The following RHEX variants were observed in gnomAD, a reference collection of about 807,000 sequenced individuals.
RHEX encodes regulator of hemoglobinization and erythroid cell expansion, also known as regulator of hemoglobinization and erythroid cell expansion protein.
In RHEX, 18 loss-of-function variants were observed where a neutral mutation model predicts 20.1. The observed-to-expected ratio is 0.90, with a 90% confidence interval of 0.62 to 1.33. RHEX has a LOEUF of 1.33. Ranked by LOEUF, RHEX falls within the 40% of genes most tolerant of loss-of-function variation. The pLI, the probability that RHEX is intolerant of heterozygous loss-of-function variation, is 0.00. For missense variants in RHEX, 192 were observed against 214.3 expected (o/e 0.90, Z 0.65); for synonymous variants, 87 against 77.1 (o/e 1.13, Z -0.67).
intron 1 of RHEX, among the ~76,000 whole-genome samples, chr1:206,070,517 T>G (rs1553284536): frequency 6.6e-6 from 1 of 152,160 alleles, no homozygotes; most frequent in Non-Finnish European, 1.5e-5. Flanking sequence ...TCTTGGAACA[T>G]GAAATGCTTT....
chr1:206,090,192 T>C (rs1662918324), intron 1 of RHEX, among the ~76,000 whole-genome samples: 1 of 150,246 alleles, frequency 6.7e-6, no homozygotes, highest in Non-Finnish European at 1.5e-5. Flanking sequence ...CAATTCCTTT[T>C]CTTTTCTTTC....
chr1:206,059,498 TC>T (rs1405581364), intron 1 of RHEX, among the ~76,000 whole-genome samples: 2 of 152,136 alleles, frequency 1.3e-5, no homozygotes, highest in Non-Finnish European at 2.9e-5. Context: ...GGCCACAGTC[TC>T]TGCATTGCAC....
At chr1:206,054,002 G>A (rs935081934) in intron 1 of RHEX, among the ~76,000 whole-genome samples, 34 of 152,014 alleles carry the variant, frequency 2.2e-4, no homozygotes, top group Non-Finnish European at 4.3e-4. Flanking sequence ...CAAAAGTGAA[G>A]TTTGCTTAAA....
chr1:206,094,729 T>C (rs1165386539), intron 1 of RHEX, among the ~76,000 whole-genome samples: 1 of 152,164 alleles, frequency 6.6e-6, no homozygotes, highest in African/African-American at 2.4e-5. Flanking sequence ...ATTTGGCTAG[T>C]AAGGGAGACA....
At chr1:206,075,718 A>G (rs1175323236) in intron 1 of RHEX, among the ~76,000 whole-genome samples, 3 of 151,526 alleles carry the variant, frequency 2.0e-5, no homozygotes, top group Non-Finnish European at 2.9e-5. Flanking sequence ...CTCCTGCCTC[A>G]GCCTCCCGGT....
chr1:206,069,190 T>C (rs1553284444), intron 1 of RHEX, among the ~76,000 whole-genome samples: 2 of 152,226 alleles, frequency 1.3e-5, no homozygotes. Context: ...TAAAGACGTG[T>C]TTTGATTGTC....
At chr1:206,079,569 T>G (rs1662698362) in intron 1 of RHEX, among the ~76,000 whole-genome samples, 1 of 152,198 alleles carries the variant, frequency 6.6e-6, no homozygotes, top group Non-Finnish European at 1.5e-5. Flanking sequence ...TTTTTCTATT[T>G]TTTTTAGATG....
At chr1:206,083,550 A>C in intron 1 of RHEX, 1 of 985,038 alleles carries the variant, frequency 1.0e-6, no homozygotes, top group Non-Finnish European at 1.2e-6. Flanking sequence ...CCAGTGACAC[A>C]GAAGCTTCTG....
At chr1:206,058,085 A>T (rs544854274) in intron 1 of RHEX, among the ~76,000 whole-genome samples, 57 of 152,366 alleles carry the variant, frequency 3.7e-4, no homozygotes, top group Non-Finnish European at 6.6e-4. Flanking sequence ...GTAGTTGAGG[A>T]TATAGTTAAA....
At chr1:206,063,424 G>A (rs190132389) in intron 1 of RHEX, among the ~76,000 whole-genome samples, 8 of 151,958 alleles carry the variant, frequency 5.3e-5, no homozygotes, top group Middle Eastern at 3.2e-3. Context: ...TCTTTCCACC[G>A]TCTCCCTCTC....
At chr1:206,059,296 C>A (rs782168936) in intron 1 of RHEX, among the ~76,000 whole-genome samples, 4 of 152,154 alleles carry the variant, frequency 2.6e-5, no homozygotes, top group African/African-American at 4.8e-5. Flanking sequence ...GAGGTCAGCT[C>A]TCTCACTCAG....
At chr1:206,061,647 G>A (rs1662312538) in intron 1 of RHEX, 1 of 152,296 alleles carries the variant, frequency 6.6e-6, no homozygotes, top group Non-Finnish European at 1.5e-5. Context: ...TCTAACCAGG[G>A]TTCTATCTCT....
At chr1:206,091,333 C>T (rs989711956) in intron 1 of RHEX, among the ~76,000 whole-genome samples, 13 of 152,214 alleles carry the variant, frequency 8.5e-5, no homozygotes, top group South Asian at 2.1e-4. Flanking sequence ...GTACTCATTT[C>T]GGATAAGGGT....
chr1:206,100,057 G>A (rs564068916), intron 4 of RHEX, among the ~76,000 whole-genome samples: 1 of 152,320 alleles, frequency 6.6e-6, no homozygotes, highest in East Asian at 1.9e-4. Flanking sequence ...CAGGCGGCTT[G>A]GGAAATGTCC....
chr1:206,058,049 G>A (rs1662230096), intron 1 of RHEX, among the ~76,000 whole-genome samples: 3 of 152,202 alleles, frequency 2.0e-5, no homozygotes, highest in Non-Finnish European at 4.4e-5. Flanking sequence ...ACTAATTATT[G>A]TCTACACATA....
rs59711114 is a variant in RHEX at position 206,054,126 on chromosome 1, C to CA, written c.-97+875dup. On this transcript the variant is annotated intron_variant, in intron 1 of 5. Transcript: ENST00000331555. ...AAAAAAAAAAAGGAATGGTTATCTT[C>CA]AAAAAAAAAAAAAAGTGGGGGGAGA... Among the ~76,000 whole-genome samples, 185 of 142,190 alleles carry CA rather than the reference C, an allele frequency of 1.3e-3. No homozygotes were observed. The East Asian group carries it at 0.028, about 22-fold the overall frequency. 93.3% of individuals were successfully genotyped at this position (142,190 alleles called of 152,430 possible).
chr1:206,064,314 A>T (rs548766697), intron 1 of RHEX, among the ~76,000 whole-genome samples: 1 of 66,318 alleles, frequency 1.5e-5, no homozygotes, highest in Non-Finnish European at 3.0e-5. Flanking sequence ...GGTGAGGGGA[A>T]CCTCTGCCCG....
chr1:206,059,495 GTC>G (rs1358037736), intron 1 of RHEX, among the ~76,000 whole-genome samples: 4 of 152,180 alleles, frequency 2.6e-5, no homozygotes, highest in African/African-American at 9.7e-5. Flanking sequence ...CTTGGCCACA[GTC>G]TCTGCATTGC....
chr1:206,056,774 G>A (rs1553282656), intron 1 of RHEX, among the ~76,000 whole-genome samples: 1 of 151,720 alleles, frequency 6.6e-6, no homozygotes, highest in East Asian at 1.9e-4. Context: ...GCATGGATGA[G>A]GATGTGGTTC....
Sources: gnomAD v4.1 joint callset for allele counts (sites outside exome capture counted in the v4.1 genomes callset) on GRCh38, gnomAD v4.1.1 for gene constraint, MANE v1.5 for transcripts, NCBI Gene and HGNC (gene_info 2026-07-23, HGNC 2026-07-21) for gene names.